Variants in GATAD2B observed in about 807,000 individuals in gnomAD.
The protein encoded by GATAD2B is transcriptional repressor p66-beta.
In GATAD2B, 8 loss-of-function variants were observed where a neutral mutation model predicts 64.3. The observed-to-expected ratio is 0.12, with a 90% CI of 0.07 to 0.22. GATAD2B has a LOEUF of 0.22. Among genes scored for constraint, GATAD2B ranks in the 10% least tolerant of loss-of-function variants. GATAD2B has a pLI of 1.00. For synonymous variants in GATAD2B, 281 were observed against 271.3 expected (o/e 1.04, Z -0.35); for missense variants, 453 against 752.0 (o/e 0.60, Z 4.65).
chr1:153,914,963 C>T (rs972410411), intron 1 of GATAD2B, among the ~76,000 whole-genome samples: 3 of 152,208 alleles, frequency 2.0e-5, no homozygotes, highest in African/African-American at 7.2e-5. Flanking sequence ...GTGGCTCACG[C>T]CTGTAATCCC....
At chr1:153,903,087 G>A (rs556409306) in intron 1 of GATAD2B, among the ~76,000 whole-genome samples, 3 of 152,072 alleles carry the variant, frequency 2.0e-5, no homozygotes, top group East Asian at 1.9e-4. Context: ...GCGTGGTGGC[G>A]GGCGCCTGTG....
chr1:153,896,414 G>A (rs1308794839), intron 1 of GATAD2B, among the ~76,000 whole-genome samples: 3 of 150,168 alleles, frequency 2.0e-5, no homozygotes, highest in Non-Finnish European at 4.4e-5. Context: ...GGTCCTGTAA[G>A]AGTGAACAGT....
At chr1:153,898,680 G>A (rs904737899) in intron 1 of GATAD2B, among the ~76,000 whole-genome samples, 1 of 152,220 alleles carries the variant, frequency 6.6e-6, no homozygotes, top group Non-Finnish European at 1.5e-5. Context: ...TTCTGAGCAA[G>A]TGAAAGCCTC....
intron 1 of GATAD2B, among the ~76,000 whole-genome samples, chr1:153,896,013 A>AATT (rs1677578009): frequency 6.6e-6 from 1 of 150,566 alleles, no homozygotes; most frequent in African/African-American, 2.4e-5. Context: ...AAAAAAAAAA[A>AATT]TTAGCTAGGT....
At chr1:153,841,124 C>CAAAAAAAAAAAAAAAAA (rs941317761) in intron 1 of GATAD2B, among the ~76,000 whole-genome samples, 1 of 77,434 alleles carries the variant, frequency 1.3e-5, no homozygotes, top group Non-Finnish European at 2.5e-5. Flanking sequence ...GACTCCGTCT[C>CAAAAAAAAAAAAAAAAA]AAAAAAAAAA....
chr1:153,898,440 T>A (rs1378635601), intron 1 of GATAD2B, among the ~76,000 whole-genome samples: 1 of 151,942 alleles, frequency 6.6e-6, no homozygotes, highest in Non-Finnish European at 1.5e-5. Context: ...AAGATTCCAA[T>A]CTTGGCTGGG....
chr1:153,888,988 C>A (rs1677270302), intron 1 of GATAD2B, among the ~76,000 whole-genome samples: 1 of 152,002 alleles, frequency 6.6e-6, no homozygotes, highest in African/African-American at 2.4e-5. Flanking sequence ...ACTTAAGAGC[C>A]CCAAACCATG....
At chr1:153,880,734 C>T (rs562840443) in intron 1 of GATAD2B, among the ~76,000 whole-genome samples, 10 of 152,040 alleles carry the variant, frequency 6.6e-5, no homozygotes, top group Admixed American at 6.6e-4. Context: ...GTCCCAGCTA[C>T]TCAAGAGGCT....
intron 1 of GATAD2B, among the ~76,000 whole-genome samples, chr1:153,917,624 A>C (rs1678313507): frequency 6.7e-6 from 1 of 148,794 alleles, no homozygotes; most frequent in Admixed American, 6.8e-5. Flanking sequence ...CGAACTCCTG[A>C]CCTCATGTGA....
chr1:153,849,173 G>T lies in GATAD2B; in HGVS notation c.-1-20825C>A, dbSNP rs145503294. 1.1e-4 allele frequency among the ~76,000 whole-genome samples: 17 copies of T among 152,316 alleles called. No homozygotes were observed. In the South Asian group the frequency reaches 1.9e-3, roughly 17 times the overall value. Reference sequence around the variant, plus strand: ...AGCTTTGGGCACTTTATAATGACCAGAAGTTTATTGGCTATTTATTGGCAC... The same window carrying T: ...AGCTTTGGGCACTTTATAATGACCATAAGTTTATTGGCTATTTATTGGCAC... On this transcript the variant is annotated intron_variant, in intron 1 of 10. Coordinates refer to ENST00000368655, the MANE Select transcript of GATAD2B (RefSeq NM_020699.4).
chr1:153,830,597 T>C (rs1213617146), intron 1 of GATAD2B, among the ~76,000 whole-genome samples: 6 of 147,964 alleles, frequency 4.1e-5, no homozygotes, highest in Non-Finnish European at 9.0e-5. Context: ...TGCCTCAGCC[T>C]CCCAAGTAGC....
chr1:153,898,032 G>A (rs968886227), intron 1 of GATAD2B, among the ~76,000 whole-genome samples: 2 of 148,872 alleles, frequency 1.3e-5, no homozygotes, highest in African/African-American at 2.5e-5. Flanking sequence ...GGCCAGGCAC[G>A]GTGGCTAAAG....
At chr1:153,864,901 T>C in intron 1 of GATAD2B, among the ~76,000 whole-genome samples, 1 of 151,762 alleles carries the variant, frequency 6.6e-6, no homozygotes, top group East Asian at 1.9e-4. Context: ...AAACCCTGTC[T>C]CCACTAAAAA....
intron 1 of GATAD2B, among the ~76,000 whole-genome samples, chr1:153,847,886 A>G (rs908001241): frequency 6.6e-6 from 1 of 152,130 alleles, no homozygotes; most frequent in African/African-American, 2.4e-5. Flanking sequence ...TGTTTAACTT[A>G]TATAACGAGT....
intron 1 of GATAD2B, among the ~76,000 whole-genome samples, chr1:153,920,462 A>G (rs1382179690): frequency 6.6e-6 from 1 of 152,262 alleles, no homozygotes; most frequent in African/African-American, 2.4e-5. Flanking sequence ...TATGCTAAGC[A>G]CAGCAGTAAA....
chr1:153,855,033 T>C (rs1676034189), intron 1 of GATAD2B, among the ~76,000 whole-genome samples: 1 of 152,172 alleles, frequency 6.6e-6, no homozygotes, highest in South Asian at 2.1e-4. Flanking sequence ...TAATGTATAA[T>C]CTTTGATTGA....
chr1:153,887,211 A>G (rs1384024731), intron 1 of GATAD2B, among the ~76,000 whole-genome samples: 3 of 152,156 alleles, frequency 2.0e-5, no homozygotes, highest in African/African-American at 4.8e-5. Flanking sequence ...TCCTCTCCAC[A>G]TGTTTAGAAA....
intron 1 of GATAD2B, among the ~76,000 whole-genome samples, chr1:153,887,947 C>G (rs945375783): frequency 2.0e-4 from 31 of 152,058 alleles, no homozygotes; most frequent in African/African-American, 7.5e-4. Flanking sequence ...ATTAGCCGGG[C>G]ATGGTGGCAG....
At chr1:153,921,417 C>T (rs1229791993) in intron 1 of GATAD2B, among the ~76,000 whole-genome samples, 1 of 152,176 alleles carries the variant, frequency 6.6e-6, no homozygotes, top group Non-Finnish European at 1.5e-5. Context: ...ACAAAAGCAT[C>T]AGCTCTTCTC....
Sources: allele counts gnomAD v4.1 joint callset (sites outside exome capture counted in the v4.1 genomes callset), GRCh38; gene constraint gnomAD v4.1.1; transcripts MANE v1.5; gene names NCBI Gene and HGNC (gene_info 2026-07-23, HGNC 2026-07-21).